DDAH1: variants seen among roughly 807,000 people sequenced by gnomAD.
DDAH1 encodes the protein dimethylarginine dimethylaminohydrolase 1.
Under a neutral mutation model 28.8 loss-of-function variants are expected in DDAH1, and 19 were observed. That is an observed-to-expected ratio of 0.66 (90% confidence interval 0.46 to 0.97). DDAH1 has a LOEUF of 0.97. DDAH1 is among the 50% of genes least tolerant of loss of function. The pLI is 0.00. For missense variants in DDAH1, 326 were observed against 375.9 expected, an observed-to-expected ratio of 0.87 and a Z score of 1.10; for synonymous variants, 153 against 154.4, an observed-to-expected ratio of 0.99 and a Z score of 0.07.
intron 1 of DDAH1, among the ~76,000 whole-genome samples, chr1:85,429,871 ATC>A (rs1322037820): frequency 1.3e-5 from 2 of 152,032 alleles, no homozygotes; most frequent in Non-Finnish European, 2.9e-5. Context: ...TTTCCTGTAA[ATC>A]TGTTTAAGTT....
rs749548041 is a variant in DDAH1, at chr1:85,321,509, C to A, written c.801G>T (p.Lys267Asn). 1 of 1,614,164 alleles carries A rather than the reference C, an allele frequency of 6.2e-7. No homozygotes were observed. The highest frequency in any genetic ancestry group is 8.5e-7 in the Non-Finnish European group (1 of 1,180,006). ...AGCAGCAGGTGAGCAGCCCATCCAC[C>A]TTTTCCAGTTCAGACATGCTCACGG... is the stretch of plus-strand genomic sequence containing the variant. ...LIPVSMSELE[K>N]VDGLLTCCSV... is the part of the protein sequence containing the mutation. The change falls in exon 6 of 6, where the codon AAG becomes AAT. Residue 267 changes from lysine (K) to asparagine (N), a missense_variant. Coordinates refer to ENST00000284031, the MANE Select transcript of DDAH1 (RefSeq NM_012137.4).
At chr1:85,337,524 G>T (rs530013679) in intron 4 of DDAH1, among the ~76,000 whole-genome samples, 117 of 151,632 alleles carry the variant, frequency 7.7e-4, no homozygotes, top group Middle Eastern at 3.4e-3. Context: ...CACTATCTTG[G>T]CTCACTGCAA....
intron 1 of DDAH1, among the ~76,000 whole-genome samples, chr1:85,445,339 T>C (rs551235222): frequency 6.4e-4 from 98 of 152,208 alleles, no homozygotes; most frequent in Non-Finnish European, 9.6e-4. Context: ...CGAGGATGAA[T>C]TCAGGAGTTT....
intron 4 of DDAH1, among the ~76,000 whole-genome samples, chr1:85,327,200 G>T (rs1244581579): frequency 1.3e-5 from 2 of 152,198 alleles, no homozygotes; most frequent in Non-Finnish European, 2.9e-5. Flanking sequence ...TTAGCTGGGT[G>T]TGGTGGCACA....
At chr1:85,509,089 TAGGC>T (rs1657132413) in intron 1 of DDAH1, among the ~76,000 whole-genome samples, 2 of 152,184 alleles carry the variant, frequency 1.3e-5, no homozygotes, top group Non-Finnish European at 2.9e-5. Flanking sequence ...ATACCTCATA[TAGGC>T]AGGTGCCCCT....
At chr1:85,487,722 A>T (rs534004) in intron 2 of DDAH1, among the ~76,000 whole-genome samples, 1 of 151,944 alleles carries the variant, frequency 6.6e-6, no homozygotes, top group East Asian at 1.9e-4. Context: ...CCTATCTCCA[A>T]AAAACAGGTA....
chr1:85,496,064 G>C (rs1267396091), intron 2 of DDAH1: 1 of 181,706 alleles, frequency 5.5e-6, no homozygotes, highest in Middle Eastern at 2.7e-3. Context: ...CAGGAGTATT[G>C]ACATATAAGA....
At chr1:85,576,839 C>A (rs1659621439) in intron 1 of DDAH1, 1 of 152,828 alleles carries the variant, frequency 6.5e-6, no homozygotes, top group South Asian at 1.8e-4. Context: ...CCGGGTCTAC[C>A]CCGCCGCCCG....
intron 1 of DDAH1, among the ~76,000 whole-genome samples, chr1:85,401,752 C>T (rs1249478262): frequency 6.6e-6 from 1 of 152,022 alleles, no homozygotes; most frequent in Non-Finnish European, 1.5e-5. Flanking sequence ...ATCCACCCAC[C>T]TCGGCCTCCC....
chr1:85,502,058 G>A (rs1033969841), intron 1 of DDAH1, among the ~76,000 whole-genome samples: 15 of 152,082 alleles, frequency 9.9e-5, no homozygotes, highest in Admixed American at 8.5e-4. Flanking sequence ...AGTCTGCTAC[G>A]CTGGAATTTA....
chr1:85,489,596 T>C (rs769802037), intron 2 of DDAH1, among the ~76,000 whole-genome samples: 1 of 151,970 alleles, frequency 6.6e-6, no homozygotes, highest in Non-Finnish European at 1.5e-5. Context: ...GGAGTATTTA[T>C]GAGAATCAGA....
intron 1 of DDAH1, among the ~76,000 whole-genome samples, chr1:85,401,254 G>C (rs1652089739): frequency 6.6e-6 from 1 of 151,946 alleles, no homozygotes; most frequent in South Asian, 2.1e-4. Context: ...AAATGAAGAG[G>C]GCCTACTATG....
intron 1 of DDAH1, among the ~76,000 whole-genome samples, chr1:85,424,215 C>T (rs1213171903): frequency 6.6e-6 from 1 of 152,038 alleles, no homozygotes; most frequent in Non-Finnish European, 1.5e-5. Context: ...TAAGATAATA[C>T]TGGCCACACA....
chr1:85,567,134 C>T (rs979221123), intron 1 of DDAH1, among the ~76,000 whole-genome samples: 1 of 152,220 alleles, frequency 6.6e-6, no homozygotes. Flanking sequence ...ATCTGCTTTA[C>T]TCAGTCTACT....
chr1:85,461,127 A>T (rs943590304), intron 1 of DDAH1, among the ~76,000 whole-genome samples: 1 of 150,860 alleles, frequency 6.6e-6, no homozygotes, highest in African/African-American at 2.5e-5. Flanking sequence ...AAACAAACAA[A>T]CAGAGAAGTT....
chr1:85,334,746 C>T (rs1557475819), intron 4 of DDAH1, among the ~76,000 whole-genome samples: 1 of 146,498 alleles, frequency 6.8e-6, no homozygotes, highest in Non-Finnish European at 1.5e-5. Flanking sequence ...TATAAACTAC[C>T]TACTCTCAGG....
chr1:85,481,098 G>GGTTTTTTTTT (rs1442100920), intron 2 of DDAH1, among the ~76,000 whole-genome samples: 2 of 113,460 alleles, frequency 1.8e-5, no homozygotes, highest in African/African-American at 3.2e-5. Context: ...TGGGTTTTTT[G>GGTTTTTTTTT]TTTTTTTTTT....
At chr1:85,350,276 G>C in intron 4 of DDAH1, 139 bp downstream of exon 4, 1 of 1,086,076 alleles carries the variant, frequency 9.2e-7, no homozygotes, top group Non-Finnish European at 1.3e-6. Context: ...GGTCACAACA[G>C]TGCACATCAC....
chr1:85,369,055 C>CTTTTTT (rs36109764), intron 1 of DDAH1, among the ~76,000 whole-genome samples: 4 of 84,606 alleles, frequency 4.7e-5, no homozygotes, highest in Non-Finnish European at 8.9e-5. Flanking sequence ...CCAGGGGATT[C>CTTTTTT]TTTTTTTTTT....
Sources: allele counts gnomAD v4.1 joint callset (sites outside exome capture counted in the v4.1 genomes callset), GRCh38; gene constraint gnomAD v4.1.1; transcripts MANE v1.5; gene names NCBI Gene and HGNC (gene_info 2026-07-23, HGNC 2026-07-21).